Variants in SGMS2 observed in about 807,000 individuals in gnomAD.
The protein encoded by SGMS2 is phosphatidylcholine:ceramide cholinephosphotransferase 2.
A neutral mutation model predicts 43.8 loss-of-function variants in SGMS2; 21 were observed. The ratio of observed to expected loss-of-function variants is 0.48; its 90% CI spans 0.34 to 0.69. The LOEUF (loss-of-function observed/expected upper bound fraction) is 0.69, where lower values mean the gene tolerates loss of function less well. Among genes scored for constraint, SGMS2 ranks in the 30% least tolerant of loss-of-function variants. The probability of loss-of-function intolerance (pLI) is 0.01; values close to 1 mark genes in which losing one functional copy is unlikely to be tolerated. For synonymous variants in SGMS2, 167 were observed against 160.6 expected, an observed-to-expected ratio of 1.04 and a Z score of -0.30; for missense variants, 384 against 443.2, an observed-to-expected ratio of 0.87 and a Z score of 1.20.
At chr4:107,879,557 G>A (rs1308653974) in intron 2 of SGMS2, among the ~76,000 whole-genome samples, 1 of 151,750 alleles carries the variant, frequency 6.6e-6, no homozygotes, top group Non-Finnish European at 1.5e-5. Flanking sequence ...TGCCTCCCAG[G>A]TTCAAGTGAT....
At position 107,908,670 on chromosome 4, in the gene SGMS2, T is replaced by A. The variant is rs775260795; in HGVS notation, c.833T>A (p.Ile278Asn). ...VAHEHYTIDVIIAYYITTRLF... is the reference protein window; with the variant it reads ...VAHEHYTIDVNIAYYITTRLF... ...CACGAACACTACACTATCGATGTGATCATTGCTTATTATATCACAACACGA... is the reference window on the plus strand; with the variant it reads ...CACGAACACTACACTATCGATGTGAACATTGCTTATTATATCACAACACGA... Residue 278 changes from isoleucine to asparagine, a missense_variant, in exon 6 of 7, where the codon ATC becomes AAC. By Grantham distance (149) the Ile-to-Asn change is moderately radical. Transcript: ENST00000690982. The A allele has an allele frequency of 1.4e-5, 22 of 1,614,000 alleles. No homozygotes were observed. Among genetic ancestry groups the A allele is most frequent in the Non-Finnish European group, 1.7e-5 (20 of 1,179,984 alleles).
chr4:107,908,622 G>A lies in SGMS2; in HGVS notation c.785G>A (p.Gly262Glu). 6.2e-7 allele frequency: 1 copy of A among 1,613,980 alleles called. No individual in the cohort carries two copies. Among genetic ancestry groups the A allele is most frequent in the Non-Finnish European group, 8.5e-7 (1 of 1,179,976 alleles). ...ATCTGCTGGCTGCTGAGTGCTGCCG[G>A]GATCATCTGCATTCTTGTAGCACAC... is the stretch of plus-strand genomic sequence containing the variant. ...HLICWLLSAA[G>E]IICILVAHEH... is the part of the protein sequence containing the mutation. Residue 262 changes from glycine to glutamate, a missense_variant, in exon 6 of 7, where the codon GGG (glycine) becomes GAG (glutamate). Coordinates refer to ENST00000690982, the MANE Select transcript of SGMS2 (RefSeq NM_001375905.1).
chr4:107,878,258 G>C (rs1729080857), intron 2 of SGMS2, among the ~76,000 whole-genome samples: 1 of 152,096 alleles, frequency 6.6e-6, no homozygotes, highest in Non-Finnish European at 1.5e-5. Context: ...TCTAGGTCAA[G>C]AAGGAAGACA....
intron 1 of SGMS2, among the ~76,000 whole-genome samples, chr4:107,828,967 T>C (rs1725744054): frequency 1.3e-5 from 2 of 152,192 alleles, no homozygotes; most frequent in South Asian, 4.1e-4. Context: ...AAGCTAAATG[T>C]CTTTTTTGGG....
In SGMS2 at chr4:107,895,947, G is replaced by A; in HGVS notation, c.394G>A (p.Glu132Lys). The change falls in exon 3 of 7, where the codon GAA becomes AAA. Residue 132 changes from glutamate to lysine, a missense_variant. Glu to Lys is a moderately conservative substitution (Grantham distance 56, BLOSUM62 1). Coordinates refer to ENST00000690982, the MANE Select transcript of SGMS2 (RefSeq NM_001375905.1). ...DRVKWAFSVS[E>K]INGIILVGLW... is the part of the protein sequence containing the mutation. The stretch of plus-strand genomic sequence containing the variant: ...GGTGAAATGGGCATTTTCTGTATCA[G>A]AAATAAATGGGATTATATTAGTTGG... 6.2e-7 allele frequency: 1 copy of A among 1,613,918 alleles called. No homozygotes were observed. The highest frequency in any genetic ancestry group is 8.5e-7 in the Non-Finnish European group (1 of 1,179,896).
chr4:107,838,613 G>C (rs1030802128), intron 1 of SGMS2, among the ~76,000 whole-genome samples: 2 of 151,956 alleles, frequency 1.3e-5, no homozygotes, highest in South Asian at 4.1e-4. Flanking sequence ...TCCAAAGTTC[G>C]CAGGCCCTTC....
At chr4:107,879,517 G>A (rs57433133) in intron 2 of SGMS2, among the ~76,000 whole-genome samples, 75,405 of 151,008 alleles carry the variant, frequency 0.5, 19,073 homozygotes, top group South Asian at 0.55. Context: ...GCTAGAGTGC[G>A]GTGGCACCAT....
chr4:107,876,176 A>C (rs1388794277), intron 2 of SGMS2, among the ~76,000 whole-genome samples: 1 of 152,198 alleles, frequency 6.6e-6, no homozygotes. Flanking sequence ...AATAACCAGT[A>C]ACCCATTATA....
chr4:107,861,294 G>A (rs769687425), intron 2 of SGMS2, among the ~76,000 whole-genome samples: 1 of 152,142 alleles, frequency 6.6e-6, no homozygotes, highest in Non-Finnish European at 1.5e-5. Flanking sequence ...CAGGTAGTCA[G>A]CAACAAATTC....
intron 1 of SGMS2, among the ~76,000 whole-genome samples, chr4:107,837,787 G>A (rs537466094): frequency 1.3e-5 from 2 of 152,272 alleles, no homozygotes; most frequent in East Asian, 3.9e-4. Flanking sequence ...TGGTGGTGGA[G>A]ATCGAGAATG....
intron 2 of SGMS2, among the ~76,000 whole-genome samples, chr4:107,877,937 A>G (rs368470235): frequency 5.1e-5 from 5 of 98,388 alleles, no homozygotes; most frequent in Non-Finnish European, 7.4e-5. Flanking sequence ...TTTTTTTGAG[A>G]TGGAGTCTCA....
intron 2 of SGMS2, among the ~76,000 whole-genome samples, chr4:107,861,235 A>G (rs1378922800): frequency 6.6e-6 from 1 of 152,244 alleles, no homozygotes; most frequent in Non-Finnish European, 1.5e-5. Context: ...CTTCAGTTTC[A>G]GCATGGGAAC....
At chr4:107,901,426 C>T (rs1731101118) in intron 4 of SGMS2, among the ~76,000 whole-genome samples, 2 of 152,168 alleles carry the variant, frequency 1.3e-5, no homozygotes, top group Admixed American at 6.5e-5. Context: ...TCCTGTGTTG[C>T]TGACTCTATA....
intron 2 of SGMS2, among the ~76,000 whole-genome samples, chr4:107,883,592 A>G (rs979458461): frequency 2.6e-5 from 4 of 152,160 alleles, no homozygotes; most frequent in African/African-American, 9.7e-5. Flanking sequence ...CTTATATGGT[A>G]TTTATATATC....
intron 3 of SGMS2, among the ~76,000 whole-genome samples, chr4:107,896,812 CT>C (rs1730709703): frequency 6.6e-6 from 1 of 152,146 alleles, no homozygotes; most frequent in Non-Finnish European, 1.5e-5. Flanking sequence ...TGAATTCTGA[CT>C]CCTAGTCCAT....
chr4:107,881,044 G>A (rs1368823735), intron 2 of SGMS2, among the ~76,000 whole-genome samples: 1 of 151,930 alleles, frequency 6.6e-6, no homozygotes. Context: ...GGCAGATATG[G>A]GTGATAGGGA....
At chr4:107,841,690 G>A (rs927077509) in intron 1 of SGMS2, among the ~76,000 whole-genome samples, 3 of 151,882 alleles carry the variant, frequency 2.0e-5, no homozygotes, top group African/African-American at 7.3e-5. Context: ...AAGAGACAGG[G>A]TCTCACTATG....
At chr4:107,899,826 G>A (rs951070640) in intron 4 of SGMS2, 134 bp downstream of exon 4, 5 of 511,122 alleles carry the variant, frequency 9.8e-6, no homozygotes, top group Non-Finnish European at 1.4e-5. Flanking sequence ...TTTCTATTTA[G>A]ATTTGAGGGG....
At chr4:107,828,331 G>A (rs1406210172) in intron 1 of SGMS2, among the ~76,000 whole-genome samples, 1 of 152,146 alleles carries the variant, frequency 6.6e-6, no homozygotes, top group Non-Finnish European at 1.5e-5. Context: ...AACCCGGTGA[G>A]GTAGGTACTC....
Sources: gnomAD v4.1 joint callset for allele counts (sites outside exome capture counted in the v4.1 genomes callset) on GRCh38, gnomAD v4.1.1 for gene constraint, MANE v1.5 for transcripts, NCBI Gene and HGNC (gene_info 2026-07-23, HGNC 2026-07-21) for gene names.